The following RORA variants were observed in gnomAD, a reference collection of about 807,000 sequenced individuals.
RORA encodes nuclear receptor ROR-alpha.
In RORA, 7 loss-of-function variants were observed where a neutral mutation model predicts 69.5. That is an observed-to-expected ratio of 0.10 (90% confidence interval 0.06 to 0.19). RORA has a LOEUF of 0.19. Ranked by LOEUF, RORA falls within the 10% of genes least tolerant of loss-of-function variation. RORA has a pLI of 1.00. For missense variants in RORA, 457 were observed against 663.0 expected, an observed-to-expected ratio of 0.69 and a Z score of 3.41; for synonymous variants, 261 against 240.8, an observed-to-expected ratio of 1.08 and a Z score of -0.78.
chr15:60,893,590 T>G (rs1301903573), intron 1 of RORA, among the ~76,000 whole-genome samples: 1 of 152,028 alleles, frequency 6.6e-6, no homozygotes, highest in Non-Finnish European at 1.5e-5. Flanking sequence ...TTTGTCTGGG[T>G]GTGTGTGTGC....
intron 1 of RORA, among the ~76,000 whole-genome samples, chr15:61,034,416 G>A (rs990386965): frequency 1.3e-5 from 2 of 152,124 alleles, no homozygotes; most frequent in Non-Finnish European, 2.9e-5. Context: ...GTTGAAAGCT[G>A]TTGCCTTTCT....
In RORA at chr15:60,741,932, A is replaced by C. The variant is rs1007142832; in HGVS notation, c.167-63246T>G. Among the ~76,000 whole-genome samples the C allele has an allele frequency of 4.6e-5, 7 of 152,248 alleles. No individual in the cohort carries two copies. The South Asian group carries it at 1.5e-3, about 32-fold the overall frequency. ...GGGAAGCAACATGCCACTCCCTGCC[A>C]AGCCTCCTCTGGACAGCGCCTGCGA... is the stretch of plus-strand genomic sequence containing the variant. On this transcript the variant is annotated intron_variant, in intron 1 of 10. Transcript: ENST00000335670.
At position 60,511,537 on chromosome 15, in the gene RORA, C is replaced by T. The variant is rs758295613; in HGVS notation, c.509G>A (p.Arg170His). 8 of 1,613,586 alleles carry T rather than the reference C, an allele frequency of 5.0e-6. No individual in the cohort carries two copies. The highest frequency in any genetic ancestry group is 1.3e-5 in the African/African-American group (1 of 74,896). ...VQKHRMQQQQ[R>H]DHQQQPGEAE... ...CTCTCCAGGCTGCTGCTGGTGGTCG[C>T]GCTGCTGCTGCTGCATCCGGTGTTT... is the stretch of plus-strand genomic sequence containing the variant. The change falls in exon 5 of 11, where the codon CGC becomes CAC. Residue 170 changes from arginine (R) to histidine (H), a missense_variant. Arg to His is a conservative substitution (Grantham distance 29). Around this residue, in one of 3 missense-constraint regions of RORA, gnomAD observed 304 missense variants for 447.4 expected, o/e 0.68. Coordinates refer to ENST00000335670, the MANE Select transcript of RORA (RefSeq NM_134261.3). The surrounding 1 kb of genome is among the most constrained non-coding windows in gnomAD (Gnocchi z 6.4).
At chr15:60,783,315 A>G (rs1252084962) in intron 1 of RORA, among the ~76,000 whole-genome samples, 1 of 152,112 alleles carries the variant, frequency 6.6e-6, no homozygotes, top group East Asian at 1.9e-4. Context: ...TTTCTTGTCC[A>G]CCTCATCTCT....
chr15:61,083,005 G>A (rs760738566), intron 1 of RORA, among the ~76,000 whole-genome samples: 30 of 152,162 alleles, frequency 2.0e-4, no homozygotes, highest in Non-Finnish European at 2.8e-4. Flanking sequence ...CTCCTTCAGT[G>A]CTCTATGCTA....
chr15:60,637,021 A>G (rs2140665033), intron 2 of RORA, among the ~76,000 whole-genome samples: 1 of 152,232 alleles, frequency 6.6e-6, no homozygotes, highest in African/African-American at 2.4e-5. Context: ...GCCATTATAA[A>G]TAGTATTAAA....
chr15:61,074,897 G>A (rs1348038740), intron 1 of RORA, among the ~76,000 whole-genome samples: 3 of 151,910 alleles, frequency 2.0e-5, no homozygotes, highest in Non-Finnish European at 4.4e-5. Context: ...GTCCAGCCTG[G>A]CCAACATGAT....
At chr15:60,779,657 C>T (rs79988187) in intron 1 of RORA, among the ~76,000 whole-genome samples, 3,057 of 152,310 alleles carry the variant, frequency 0.02, 114 homozygotes, top group African/African-American at 0.071. Context: ...CACACTTCTT[C>T]TACAAAAGTC....
Position 60,511,143 on chromosome 15 carries a change from C to T in RORA, c.820+83G>A, listed in dbSNP as rs2065684909. 4.9e-6 allele frequency: 7 copies of T among 1,416,106 alleles called. No individual in the cohort carries two copies. In the Admixed American group the frequency reaches 1.5e-4, roughly 30 times the overall value. 87.7% of individuals were successfully genotyped at this position (1,416,106 alleles called of 1,614,324 possible). On this transcript the variant is annotated intron_variant, in intron 5 of 10. Coordinates refer to ENST00000335670, the MANE Select transcript of RORA (RefSeq NM_134261.3). This position sits in a 1 kb window ranked among gnomAD's most constrained non-coding sequence, Gnocchi z 6.4. ...AGGTGAATTGCATCATTTAGCAGAA[C>T]TCATTAGAGGAAAGTCAGACATACC...
At chr15:61,172,529 G>A (rs1020830145) in intron 1 of RORA, among the ~76,000 whole-genome samples, 1 of 152,106 alleles carries the variant, frequency 6.6e-6, no homozygotes, top group African/African-American at 2.4e-5. Flanking sequence ...TCCACCAGGG[G>A]CTCTCAAAAC....
chr15:60,847,844 A>G (rs2073283114), intron 1 of RORA: 1 of 152,226 alleles, frequency 6.6e-6, no homozygotes. Flanking sequence ...CTAAACTGAC[A>G]AATCTGATTA....
intron 1 of RORA, among the ~76,000 whole-genome samples, chr15:60,735,362 G>C (rs932918541): frequency 8.5e-5 from 13 of 152,198 alleles, no homozygotes; most frequent in Non-Finnish European, 1.8e-4. Context: ...TATTTCTGTA[G>C]CTCTTTTAAG....
intron 1 of RORA, among the ~76,000 whole-genome samples, chr15:60,982,404 G>C (rs1894071144): frequency 6.6e-6 from 1 of 152,170 alleles, no homozygotes; most frequent in Admixed American, 6.5e-5. Context: ...TTGCTTCCAA[G>C]TTTTTTGGCT....
chr15:60,604,772 G>C (rs535226920), intron 2 of RORA, among the ~76,000 whole-genome samples: 2 of 152,274 alleles, frequency 1.3e-5, no homozygotes, highest in East Asian at 3.9e-4. Flanking sequence ...TTTGTGATTG[G>C]TGACAAGTTA....
intron 2 of RORA, among the ~76,000 whole-genome samples, chr15:60,556,313 C>T (rs2140406376): frequency 6.6e-6 from 1 of 152,240 alleles, no homozygotes; most frequent in South Asian, 2.1e-4. Context: ...TCTAAATCTA[C>T]CCTCAAAATT....
intron 2 of RORA, among the ~76,000 whole-genome samples, chr15:60,571,771 G>C (rs1056052118): frequency 6.6e-6 from 1 of 152,184 alleles, no homozygotes; most frequent in Non-Finnish European, 1.5e-5. Flanking sequence ...CTATGGGACT[G>C]TTGTATTTAG....
At chr15:60,791,690 G>A (rs2140348844) in intron 1 of RORA, among the ~76,000 whole-genome samples, 1 of 152,246 alleles carries the variant, frequency 6.6e-6, no homozygotes. Context: ...TGTGCATGAG[G>A]GAGACTCCAA....
At chr15:60,624,358 G>A (rs1283718993) in intron 2 of RORA, among the ~76,000 whole-genome samples, 1 of 150,480 alleles carries the variant, frequency 6.6e-6, no homozygotes, top group African/African-American at 2.4e-5. Context: ...ACCATAGAGA[G>A]TCAAGAGGCC....
intron 1 of RORA, among the ~76,000 whole-genome samples, chr15:60,685,927 G>C (rs1176967007): frequency 6.6e-6 from 1 of 152,052 alleles, no homozygotes; most frequent in Non-Finnish European, 1.5e-5. Flanking sequence ...TTGAGCCTAG[G>C]TTGAGCTGTT....
Sources: gnomAD v4.1 joint callset for allele counts (sites outside exome capture counted in the v4.1 genomes callset) on GRCh38, gnomAD v4.1.1 for gene constraint, gnomAD v4.1.1 regional missense constraint, Gnocchi (gnomAD v3.1) non-coding constraint, MANE v1.5 for transcripts, NCBI Gene and HGNC (gene_info 2026-07-23, HGNC 2026-07-21) for gene names.